TEX36: variants seen among roughly 807,000 people sequenced by gnomAD.
TEX36 encodes the protein testis expressed 36, also known as testis-expressed protein 36.
Under a neutral mutation model 13.6 loss-of-function variants are expected in TEX36, and 12 were observed. The ratio of observed to expected loss-of-function variants is 0.88; its 90% CI spans 0.56 to 1.43. The LOEUF (loss-of-function observed/expected upper bound fraction) is 1.43. TEX36 is among the 40% of genes most tolerant of loss of function. The probability of loss-of-function intolerance (pLI) is 0.00; values close to 1 mark genes in which losing one functional copy is unlikely to be tolerated. For synonymous variants in TEX36, 93 were observed against 83.0 expected (o/e 1.12, Z -0.65); for missense variants, 224 against 228.3 (o/e 0.98, Z 0.12).
At chr10:125,595,138 T>C (rs1846064913) in intron 3 of TEX36, among the ~76,000 whole-genome samples, 1 of 152,188 alleles carries the variant, frequency 6.6e-6, no homozygotes, top group Non-Finnish European at 1.5e-5. Context: ...ACATTACAAA[T>C]GGTAAATTTA....
intron 3 of TEX36, among the ~76,000 whole-genome samples, chr10:125,657,456 G>A (rs59493624): frequency 0.034 from 5,150 of 152,118 alleles, 269 homozygotes; most frequent in African/African-American, 0.11. Context: ...TGTCCAAGTC[G>A]GCTTCTAAAG....
chr10:125,590,152 TC>T lies in TEX36; in HGVS notation c.265-13279del, dbSNP rs539606849. Among the ~76,000 whole-genome samples, 522 of 152,234 alleles carry T rather than the reference TC, an allele frequency of 3.4e-3. 10 individuals carry two copies. Among genetic ancestry groups the T allele is most frequent in the Middle Eastern group, 6.8e-3 (2 of 294 alleles). On this transcript the variant is annotated intron_variant, in intron 3 of 3. Transcript: ENST00000532135. ...TAATTTGAGACAGGCTCTTGCTCTG[TC>T]GCACAGGCTGGAGTGTAGTGGCACC...
At chr10:125,646,127 G>C (rs1188808495) in intron 3 of TEX36, among the ~76,000 whole-genome samples, 3 of 152,122 alleles carry the variant, frequency 2.0e-5, no homozygotes, top group Non-Finnish European at 4.4e-5. Context: ...TCAGGAGTTT[G>C]AGACCATCTG....
At chr10:125,616,119 C>T (rs188391081) in intron 3 of TEX36, among the ~76,000 whole-genome samples, 1,916 of 152,178 alleles carry the variant, frequency 0.013, 42 homozygotes, top group African/African-American at 0.044. Flanking sequence ...TCTGTAGGAT[C>T]GGTGATGATA....
chr10:125,631,721 A>G lies in TEX36; in HGVS notation c.265-10076T>C, dbSNP rs117400638. On this transcript the variant is annotated intron_variant, in intron 3 of 3. Coordinates refer to the TEX36 transcript ENST00000526819. The stretch of plus-strand genomic sequence containing the variant: ...AAGCATTCTAGGTACAGAGAACAGC[A>G]TGGCCAAGGCCCAGCGATGTCAACG... 1.6e-3 allele frequency among the ~76,000 whole-genome samples: 244 copies of G among 152,226 alleles called. 6 individuals carry two copies. The East Asian group carries it at 0.044, about 28-fold the overall frequency.
intron 3 of TEX36, among the ~76,000 whole-genome samples, chr10:125,649,189 A>T (rs1009337442): frequency 1.3e-5 from 2 of 152,228 alleles, no homozygotes; most frequent in East Asian, 3.8e-4. Flanking sequence ...GTGCAACTCC[A>T]AGACACATAA....
rs899446040 is a variant in TEX36, at chr10:125,611,146, T to C, written c.265-34272A>G. Among the ~76,000 whole-genome samples, 66 of 152,268 alleles carry C rather than the reference T, an allele frequency of 4.3e-4. 2 individuals carry two copies. The highest frequency in any genetic ancestry group is 1.0e-4 in the Non-Finnish European group (7 of 68,044). On this transcript the variant is annotated intron_variant, in intron 3 of 3. Transcript: ENST00000532135. ...TACTTTATTTTGTTAGACAGTTATGTTGTTTTCAGTTTTACTCTATTGTAA... is the reference window on the plus strand; with the variant it reads ...TACTTTATTTTGTTAGACAGTTATGCTGTTTTCAGTTTTACTCTATTGTAA...
chr10:125,631,998 C>CA (rs1846563128), intron 3 of TEX36, among the ~76,000 whole-genome samples: 3 of 151,994 alleles, frequency 2.0e-5, no homozygotes, highest in South Asian at 2.1e-4. Flanking sequence ...GAGGATAGGA[C>CA]AGAAGATGGC....
chr10:125,637,923 G>A lies in TEX36; in HGVS notation c.265-16278C>T, dbSNP rs144493352. ...GGGACATAAACCCTCTGCAAGTCCA[G>A]ACCACCCCCCTGCTGCCGGGCCCCC... On this transcript the variant is annotated intron_variant, in intron 3 of 3. Coordinates refer to the TEX36 transcript ENST00000526819. Among the ~76,000 whole-genome samples, 97 of 152,100 alleles carry A rather than the reference G, an allele frequency of 6.4e-4. No individual in the cohort carries two copies. The East Asian group carries it at 0.017, about 27-fold the overall frequency.
downstream of TEX36, among the ~76,000 whole-genome samples, chr10:125,620,982 A>T (rs935544849): frequency 1.3e-5 from 2 of 152,182 alleles, no homozygotes; most frequent in Non-Finnish European, 2.9e-5. Flanking sequence ...AAAGCTAAAT[A>T]ATATTCCATT....
chr10:125,599,763 T>C (rs565940435), intron 3 of TEX36, among the ~76,000 whole-genome samples: 11 of 152,324 alleles, frequency 7.2e-5, no homozygotes, highest in South Asian at 4.1e-4. Context: ...TGTGGCCCAA[T>C]ATTTCTGAAT....
At chr10:125,628,952 C>T (rs1846520456) in intron 3 of TEX36, among the ~76,000 whole-genome samples, 1 of 152,222 alleles carries the variant, frequency 6.6e-6, no homozygotes, top group Non-Finnish European at 1.5e-5. Context: ...TTCCTCACAA[C>T]ATCCTCTTGA....
intron 3 of TEX36, among the ~76,000 whole-genome samples, chr10:125,625,944 C>T (rs999259384): frequency 2.0e-5 from 3 of 152,218 alleles, no homozygotes; most frequent in Admixed American, 6.5e-5. Flanking sequence ...CGAGGTGTGC[C>T]GCCCAGACCG....
chr10:125,637,052 A>C (rs1292279238), intron 3 of TEX36, among the ~76,000 whole-genome samples: 2 of 152,122 alleles, frequency 1.3e-5, no homozygotes, highest in Non-Finnish European at 2.9e-5. Flanking sequence ...TGGTAATCCC[A>C]GCATTTTGGG....
chr10:125,632,847 G>T (rs1254663908), intron 3 of TEX36, among the ~76,000 whole-genome samples: 1 of 152,180 alleles, frequency 6.6e-6, no homozygotes, highest in Non-Finnish European at 1.5e-5. Context: ...CATGCACACT[G>T]GCCAGGTGTG....
intron 1 of TEX36, among the ~76,000 whole-genome samples, chr10:125,673,166 A>G (rs1847260471): frequency 6.6e-6 from 1 of 152,274 alleles, no homozygotes; most frequent in Admixed American, 6.5e-5. Flanking sequence ...TCCTGTCATC[A>G]TGATGTTAGC....
intron 1 of TEX36, among the ~76,000 whole-genome samples, chr10:125,662,893 G>A (rs1327709916): frequency 6.6e-6 from 1 of 152,214 alleles, no homozygotes; most frequent in African/African-American, 2.4e-5. Flanking sequence ...TATGGCAAGA[G>A]AAGCTCACCC....
At chr10:125,579,913 G>A (rs1845864732) in intron 3 of TEX36, among the ~76,000 whole-genome samples, 1 of 152,134 alleles carries the variant, frequency 6.6e-6, no homozygotes, top group Non-Finnish European at 1.5e-5. Flanking sequence ...CCTAGTCTCA[G>A]GTAGTACTTT....
At chr10:125,600,304 T>C (rs1846130116) in intron 3 of TEX36, among the ~76,000 whole-genome samples, 1 of 151,888 alleles carries the variant, frequency 6.6e-6, no homozygotes, top group African/African-American at 2.4e-5. Context: ...GGCTCACGTG[T>C]AGGCTGAGGA....
Sources: allele counts gnomAD v4.1 joint callset (sites outside exome capture counted in the v4.1 genomes callset), GRCh38; gene constraint gnomAD v4.1.1; transcripts MANE v1.5; gene names NCBI Gene and HGNC (gene_info 2026-07-23, HGNC 2026-07-21).